Variants in USP31 observed in about 807,000 individuals in gnomAD.
USP31 encodes ubiquitin carboxyl-terminal hydrolase 31.
Under a neutral mutation model 119.4 loss-of-function variants are expected in USP31, and 44 were observed. The observed-to-expected ratio is 0.37, with a 90% CI of 0.29 to 0.47. USP31 has a LOEUF of 0.47. Ranked by LOEUF, USP31 falls within the 20% of genes least tolerant of loss-of-function variation. USP31 has a pLI of 0.99. For missense variants in USP31, 1,643 were observed against 1,730.2 expected, an observed-to-expected ratio of 0.95 and a Z score of 0.89; for synonymous variants, 749 against 705.6, an observed-to-expected ratio of 1.06 and a Z score of -0.97.
chr16:23,107,815 T>C (rs1331835157), intron 2 of USP31, among the ~76,000 whole-genome samples: 1 of 152,202 alleles, frequency 6.6e-6, no homozygotes, highest in Non-Finnish European at 1.5e-5. Flanking sequence ...TACATGCAAA[T>C]GTTTCCCCTC....
intron 1 of USP31, among the ~76,000 whole-genome samples, chr16:23,123,190 C>T (rs1490496991): frequency 6.6e-6 from 1 of 152,130 alleles, no homozygotes; most frequent in East Asian, 1.9e-4. Flanking sequence ...ATACATCAAG[C>T]TGTACACTAA....
chr16:23,106,366 C>T (rs1295037854), intron 3 of USP31, 33 bp downstream of exon 3: 1 of 1,613,258 alleles, frequency 6.2e-7, no homozygotes, highest in Admixed American at 1.7e-5. Context: ...GTCAGGTAAA[C>T]AAAATAAGTG....
intron 1 of USP31, among the ~76,000 whole-genome samples, chr16:23,131,264 T>C (rs1249827872): frequency 6.6e-6 from 1 of 152,202 alleles, no homozygotes; most frequent in Non-Finnish European, 1.5e-5. Context: ...ATCATGCCAC[T>C]GCACTCCAGG....
At chr16:23,143,939 A>C (rs1903431922) in intron 1 of USP31, among the ~76,000 whole-genome samples, 1 of 152,208 alleles carries the variant, frequency 6.6e-6, no homozygotes, top group Non-Finnish European at 1.5e-5. Context: ...CAGTGCTCTA[A>C]GAGTAGGAAA....
At chr16:23,093,777 AC>A (rs1279706653) in intron 6 of USP31, among the ~76,000 whole-genome samples, 1 of 152,224 alleles carries the variant, frequency 6.6e-6, no homozygotes, top group Non-Finnish European at 1.5e-5. Context: ...TAGGAAAAAA[AC>A]AAATGCCCAT....
intron 1 of USP31, among the ~76,000 whole-genome samples, chr16:23,128,184 T>C (rs1902924687): frequency 6.6e-6 from 1 of 152,216 alleles, no homozygotes; most frequent in African/African-American, 2.4e-5. Flanking sequence ...GCATCCCTCA[T>C]GCCTCAACTG....
chr16:23,131,027 C>T (rs1903014219), intron 1 of USP31, among the ~76,000 whole-genome samples: 1 of 152,134 alleles, frequency 6.6e-6, no homozygotes, highest in Non-Finnish European at 1.5e-5. Context: ...TTTAGAAATT[C>T]AGCTGGGCGC....
At chr16:23,069,740 C>T in intron 15 of USP31, 124 bp from the exon 16 acceptor site, 1 of 1,303,206 alleles carries the variant, frequency 7.7e-7, no homozygotes, top group Non-Finnish European at 1.0e-6. Flanking sequence ...CCTTCAGAGC[C>T]AGCCCATCTG....
chr16:23,083,167 A>G lies in USP31; in HGVS notation c.1831-610T>C, dbSNP rs181216222. On this transcript the variant is annotated intron_variant, in intron 11 of 15. Coordinates refer to ENST00000219689, the MANE Select transcript of USP31 (RefSeq NM_020718.4). ...CTATGTGCCATGCACTGCTCTGGAT[A>G]CTGGAATTATTTAGTGATCAAGACA... Among the ~76,000 whole-genome samples, 15 of 152,222 alleles carry G rather than the reference A, an allele frequency of 9.9e-5. No individual in the cohort carries two copies. In the East Asian group the frequency reaches 2.9e-3, roughly 29 times the overall value.
intron 1 of USP31, among the ~76,000 whole-genome samples, chr16:23,134,641 G>A (rs1903130284): frequency 2.2e-5 from 3 of 137,884 alleles, no homozygotes; most frequent in Admixed American, 7.5e-5. Context: ...ATTCTAAAGA[G>A]GTAAATATTT....
intron 6 of USP31, among the ~76,000 whole-genome samples, chr16:23,094,023 G>A (rs1901490945): frequency 6.6e-6 from 1 of 152,088 alleles, no homozygotes; most frequent in Admixed American, 6.5e-5. Flanking sequence ...CACGGAGGGT[G>A]AGCTGAAGCA....
intron 1 of USP31, among the ~76,000 whole-genome samples, chr16:23,119,077 T>G (rs993805471): frequency 2.0e-5 from 3 of 151,864 alleles, no homozygotes; most frequent in African/African-American, 7.3e-5. Context: ...AGAAAGTAAC[T>G]TTTCAAAGTT....
chr16:23,090,243 G>T (rs1246634480), intron 7 of USP31, among the ~76,000 whole-genome samples: 2 of 152,080 alleles, frequency 1.3e-5, no homozygotes, highest in African/African-American at 4.8e-5. Flanking sequence ...AAAATCCGCT[G>T]GGTGTGGTGG....
intron 1 of USP31, among the ~76,000 whole-genome samples, chr16:23,148,288 G>A (rs1479799640): frequency 6.6e-6 from 1 of 152,164 alleles, no homozygotes; most frequent in African/African-American, 2.4e-5. Flanking sequence ...CTAGTAAGTG[G>A]CAGAACCAGG....
intron 13 of USP31, 84 bp downstream of exon 13, chr16:23,079,862 G>C (rs1466719759): frequency 1.5e-6 from 2 of 1,295,224 alleles, no homozygotes; most frequent in Non-Finnish European, 1.0e-6. Context: ...GGGAAATGAG[G>C]CTCTAAAGTC....
In USP31 at chr16:23,062,644, G is replaced by A. The variant is rs1047326178; in HGVS notation, c.*5402C>T. 6.6e-6 allele frequency: 1 copy of A among 152,288 alleles called. No individual in the cohort carries two copies. The highest frequency in any genetic ancestry group is 2.4e-5 in the African/African-American group (1 of 41,398). 9.4% of individuals were successfully genotyped at this position (152,288 alleles called of 1,614,324 possible). A position where few individuals can be genotyped will look rare whatever the true frequency, so the allele number is the denominator to read the frequency against. On this transcript the variant is annotated 3_prime_UTR_variant, in exon 16 of 16. Transcript: ENST00000219689. ...CAGAGTGACTTCCCTATTCCCCCAC[G>A]GGCCTGGGGAAAAGGTTCTGGGGAC...
intron 6 of USP31, 95 bp from the exon 7 acceptor site, chr16:23,090,899 A>G: frequency 8.5e-7 from 1 of 1,182,718 alleles, no homozygotes; most frequent in Non-Finnish European, 1.1e-6. Context: ...AATTTTTTTT[A>G]AAAATGTCAT....
intron 15 of USP31, among the ~76,000 whole-genome samples, chr16:23,071,311 A>C (rs10083815): frequency 0.017 from 2,591 of 152,026 alleles, 39 homozygotes; most frequent in Non-Finnish European, 0.024. Context: ...GCAGACTGAG[A>C]CTTGTTGGCA....
intron 1 of USP31, among the ~76,000 whole-genome samples, chr16:23,137,639 C>T (rs1903232916): frequency 6.7e-6 from 1 of 148,848 alleles, no homozygotes; most frequent in Admixed American, 6.8e-5. Flanking sequence ...ATACATATAA[C>T]ATAACACATG....
Sources: gnomAD v4.1 joint callset for allele counts (sites outside exome capture counted in the v4.1 genomes callset) on GRCh38, gnomAD v4.1.1 for gene constraint, MANE v1.5 for transcripts, NCBI Gene and HGNC (gene_info 2026-07-23, HGNC 2026-07-21) for gene names.